Variants in NRXN1 observed in about 807,000 individuals in gnomAD.
NRXN1 encodes the protein neurexin 1, also known as neurexin-1.
In NRXN1, 39 loss-of-function variants were observed where a neutral mutation model predicts 150.9. The observed-to-expected ratio is 0.26, with a 90% CI of 0.20 to 0.34. The LOEUF is 0.34. NRXN1 is among the 10% of genes least tolerant of loss of function. The pLI is 1.00. For missense variants in NRXN1, 1,815 were observed against 1,949.9 expected (o/e 0.93, Z 1.30); for synonymous variants, 924 against 757.0 (o/e 1.22, Z -3.62).
At position 50,623,257 on chromosome 2, in the gene NRXN1, A is replaced by T. The variant is rs1372108319; in HGVS notation, c.1134+57T>A. ...TGTTGTTAGAGTATTTAAGTACCACACACACAGCTATAGCGAGAAACAAAG... is the reference window on the plus strand; with the variant it reads ...TGTTGTTAGAGTATTTAAGTACCACTCACACAGCTATAGCGAGAAACAAAG... On this transcript the variant is annotated intron_variant, in intron 6 of 22. Coordinates refer to ENST00000401669, the MANE Select transcript of NRXN1 (RefSeq NM_001330078.2). The T allele has an allele frequency of 4.3e-6, 6 of 1,401,976 alleles. No homozygotes were observed. The East Asian group carries it at 1.4e-4, about 33-fold the overall frequency. 86.8% of individuals were successfully genotyped at this position (1,401,976 alleles called of 1,614,324 possible). A position where few individuals can be genotyped will look rare whatever the true frequency, so the allele number is the denominator to read the frequency against.
intron 18 of NRXN1, among the ~76,000 whole-genome samples, chr2:50,145,101 ATATT>A (rs1336807319): frequency 4.0e-5 from 6 of 151,752 alleles, no homozygotes; most frequent in African/African-American, 1.4e-4. Context: ...GTATAAAAGC[ATATT>A]TTTAGTATTT....
intron 18 of NRXN1, among the ~76,000 whole-genome samples, chr2:50,102,661 A>C (rs1701130846): frequency 6.6e-6 from 1 of 152,048 alleles, no homozygotes; most frequent in Admixed American, 6.6e-5. Flanking sequence ...ATAGCATGAG[A>C]GGAACTGAAT....
intron 19 of NRXN1, among the ~76,000 whole-genome samples, chr2:50,060,367 C>A (rs974175854): frequency 1.3e-5 from 2 of 152,148 alleles, no homozygotes; most frequent in Non-Finnish European, 2.9e-5. Context: ...CCAATGCCTG[C>A]ACCCCCACGG....
intron 21 of NRXN1, among the ~76,000 whole-genome samples, chr2:49,976,630 A>T (rs1679044118): frequency 6.6e-6 from 1 of 152,216 alleles, no homozygotes; most frequent in Non-Finnish European, 1.5e-5. Context: ...ATGTAAAGAA[A>T]ATAGTGTAGG....
At chr2:50,172,988 T>A (rs2060123958) in intron 18 of NRXN1, among the ~76,000 whole-genome samples, 1 of 151,880 alleles carries the variant, frequency 6.6e-6, no homozygotes, top group Non-Finnish European at 1.5e-5. Flanking sequence ...TAAATAAAAA[T>A]AAATGAAATT....
At chr2:50,728,232 T>C (rs1697642347) in intron 5 of NRXN1, among the ~76,000 whole-genome samples, 1 of 152,156 alleles carries the variant, frequency 6.6e-6, no homozygotes, top group South Asian at 2.1e-4. Context: ...AAAAAGAGCC[T>C]GAAAATTTGG....
chr2:50,441,783 A>C (rs1161457215), intron 17 of NRXN1, among the ~76,000 whole-genome samples: 3 of 152,172 alleles, frequency 2.0e-5, no homozygotes, highest in Non-Finnish European at 4.4e-5. Context: ...AAAAATAAAA[A>C]TTTTATTGAA....
intron 17 of NRXN1, among the ~76,000 whole-genome samples, chr2:50,431,448 T>C (rs953314716): frequency 6.6e-6 from 1 of 152,212 alleles, no homozygotes; most frequent in Non-Finnish European, 1.5e-5. Flanking sequence ...TGGGCATTTT[T>C]CAAGATAAGA....
chr2:50,595,408 C>T (rs1336033024), intron 8 of NRXN1, among the ~76,000 whole-genome samples: 1 of 144,726 alleles, frequency 6.9e-6, no homozygotes, highest in South Asian at 2.2e-4. Context: ...GATTTATGGG[C>T]CAGGGTAAAA....
At chr2:50,741,670 TTTATGAGGTTTCA>T (rs1487042393) in intron 5 of NRXN1, among the ~76,000 whole-genome samples, 1 of 151,846 alleles carries the variant, frequency 6.6e-6, no homozygotes, top group Non-Finnish European at 1.5e-5. Flanking sequence ...TGTGCCTCAG[TTTATGAGGTTTCA>T]TGATACTTCT....
At chr2:50,679,534 C>T (rs1475034483) in intron 5 of NRXN1, among the ~76,000 whole-genome samples, 1 of 152,150 alleles carries the variant, frequency 6.6e-6, no homozygotes, top group Non-Finnish European at 1.5e-5. Context: ...AAAGCTCACA[C>T]ACCACATATT....
chr2:50,935,230 C>T (rs1429140415), intron 2 of NRXN1, among the ~76,000 whole-genome samples: 1 of 152,072 alleles, frequency 6.6e-6, no homozygotes, highest in African/African-American at 2.4e-5. Flanking sequence ...TTGAATATTA[C>T]ACCATAGAAA....
At chr2:50,874,089 A>G (rs1678204912) in intron 5 of NRXN1, among the ~76,000 whole-genome samples, 1 of 151,890 alleles carries the variant, frequency 6.6e-6, no homozygotes, top group African/African-American at 2.4e-5. Context: ...TTATTTGTTA[A>G]ATTAGTTAAA....
chr2:50,239,747 A>C (rs2152884227), intron 17 of NRXN1, among the ~76,000 whole-genome samples: 1 of 136,256 alleles, frequency 7.3e-6, no homozygotes, highest in East Asian at 2.2e-4. Flanking sequence ...TATCATAACC[A>C]GGCAGTCAAG....
chr2:50,964,014 T>A (rs1158481165), intron 2 of NRXN1: 4 of 433,094 alleles, frequency 9.2e-6, no homozygotes, highest in African/African-American at 8.1e-5. Context: ...AACATGCTAA[T>A]CAGCATTTAA....
intron 9 of NRXN1, among the ~76,000 whole-genome samples, chr2:50,549,220 C>A (rs997493370): frequency 2.0e-5 from 3 of 151,994 alleles, no homozygotes; most frequent in East Asian, 1.9e-4. Context: ...GCAAGTATAG[C>A]CATTCATTCA....
rs2091523703 is a variant in NRXN1 at position 50,495,383 on chromosome 2, GTGT to G, written c.3070+519_3070+521del. ...GTGTGTGTGTGTGTGTGTGTGTGGT[GTGT>G]GTGTGTGTGTGTGTGTGTGTGTGTG... On this transcript the variant is annotated intron_variant, in intron 15 of 22. Transcript: ENST00000401669. 3.2e-5 allele frequency among the ~76,000 whole-genome samples: 4 copies of G among 123,830 alleles called. No homozygotes were observed. The East Asian group carries it at 7.2e-4, about 22-fold the overall frequency. The allele number at this position is 123,830 out of a possible 152,430, so 81.2% of individuals were successfully genotyped here. A position where few individuals can be genotyped will look rare whatever the true frequency, so the allele number is the denominator to read the frequency against.
chr2:49,969,781 A>T (rs982674485), intron 21 of NRXN1: 15 of 152,054 alleles, frequency 9.9e-5, no homozygotes, highest in African/African-American at 3.6e-4. Flanking sequence ...AGAGTTTTCA[A>T]CTTGAACGAT....
intron 21 of NRXN1, chr2:50,019,375 T>A (rs1257447741): frequency 4.3e-6 from 2 of 468,924 alleles, no homozygotes; most frequent in East Asian, 1.4e-4. Context: ...CTGGGCGCGG[T>A]GGCTCACGCC....
Sources: allele counts gnomAD v4.1 joint callset (sites outside exome capture counted in the v4.1 genomes callset), GRCh38; gene constraint gnomAD v4.1.1; transcripts MANE v1.5; gene names NCBI Gene and HGNC (gene_info 2026-07-23, HGNC 2026-07-21).